The following SLC52A3 variants were observed in gnomAD, a reference collection of about 807,000 sequenced individuals.
SLC52A3 encodes the protein solute carrier family 52 member 3, also known as solute carrier family 52, riboflavin transporter, member 3.
Under a neutral mutation model 29.5 loss-of-function variants are expected in SLC52A3, and 20 were observed. That is an observed-to-expected ratio of 0.68 (90% CI 0.48 to 0.99). The LOEUF (loss-of-function observed/expected upper bound fraction) is 0.99. Ranked by LOEUF, SLC52A3 falls within the 50% of genes least tolerant of loss-of-function variation. The pLI is 0.00. For missense variants in SLC52A3, 548 were observed against 612.9 expected, an observed-to-expected ratio of 0.89 and a Z score of 1.12; for synonymous variants, 301 against 271.0, an observed-to-expected ratio of 1.11 and a Z score of -1.09.
At chr20:761,959 C>T (rs1986505408) in intron 3 of SLC52A3, 135 bp from the exon 4 acceptor site, 1 of 1,362,218 alleles carries the variant, frequency 7.3e-7, no homozygotes, top group Non-Finnish European at 1.0e-6. Context: ...GGTTGCCTGG[C>T]TCAAGTGGGT....
At position 760,707 on chromosome 20, in the gene SLC52A3, G is replaced by A; in HGVS notation, c.*319C>T. 2.5e-6 allele frequency: 1 copy of A among 400,320 alleles called. No individual in the cohort carries two copies. 24.8% of individuals were successfully genotyped at this position (400,320 alleles called of 1,614,324 possible). A position where few individuals can be genotyped will look rare whatever the true frequency, so the allele number is the denominator to read the frequency against. On this transcript the variant is annotated 3_prime_UTR_variant, in exon 5 of 5. Coordinates refer to ENST00000645534, the MANE Select transcript of SLC52A3 (RefSeq NM_033409.4). The surrounding 1 kb of genome is among the most constrained non-coding windows in gnomAD (Gnocchi z 4.9). The stretch of plus-strand genomic sequence containing the variant: ...TTCCCAAGGTCACACAGCCTGAAGG[G>A]ACAGCCGGCTGTCCCAGCTGTTTCC...
chr20:761,010 G>T lies in SLC52A3; in HGVS notation c.*16C>A, dbSNP rs773797132. ...AGTTCCGTCCGTGAGCGATGGGGGC[G>T]GGGTCGGCGGCCTGCCTAGGCTGGA... On this transcript the variant is annotated 3_prime_UTR_variant, in exon 5 of 5. Transcript: ENST00000645534. 1 of 1,237,666 alleles carries T rather than the reference G, an allele frequency of 8.1e-7. No homozygotes were observed. The highest frequency in any genetic ancestry group is 1.6e-5 in the South Asian group (1 of 61,580). The allele number at this position is 1,237,666 out of a possible 1,614,324, so 76.7% of individuals were successfully genotyped here. A position where few individuals can be genotyped will look rare whatever the true frequency, so the allele number is the denominator to read the frequency against.
upstream of SLC52A3, among the ~76,000 whole-genome samples, chr20:778,040 A>G (rs1319442791): frequency 6.8e-6 from 1 of 147,938 alleles, no homozygotes; most frequent in Non-Finnish European, 1.5e-5. Flanking sequence ...TTAAGATACA[A>G]TTTCACTTTT....
chr20:764,711 G>A (rs1175596125), intron 2 of SLC52A3, among the ~76,000 whole-genome samples: 2 of 152,326 alleles, frequency 1.3e-5, no homozygotes, highest in East Asian at 1.9e-4. Flanking sequence ...GCTCTGAAAA[G>A]TTGCCATTTT....
At chr20:779,458 C>T (rs1987153739), upstream of SLC52A3, among the ~76,000 whole-genome samples, 1 of 152,102 alleles carries the variant, frequency 6.6e-6, no homozygotes, top group African/African-American at 2.4e-5. Flanking sequence ...CCTGTCTCTA[C>T]TAAAAATACA....
rs1415600306 is a variant in SLC52A3, at chr20:761,054, TCCGCGGACGAGAAGAG to T, written c.1366_1381del (p.Leu456ThrfsTer44). The T allele has an allele frequency of 5.6e-6, 9 of 1,609,146 alleles. No homozygotes were observed. Among genetic ancestry groups the T allele is most frequent in the Non-Finnish European group, 7.6e-6 (9 of 1,178,446 alleles). On this transcript the variant is annotated frameshift_variant, in exon 5 of 5. Coordinates refer to ENST00000645534, the MANE Select transcript of SLC52A3 (RefSeq NM_033409.4). LOFTEE classifies it high-confidence loss of function. ...GGCTGGACAGTGCAGATTGCAGAAG[TCCGCGGACGAGAAGAG>T]CCGCAGCACGTTGACCAGAGGGAAC...
At position 760,982 on chromosome 20, in the gene SLC52A3, C is replaced by A. The variant is rs1263602643; in HGVS notation, c.*44G>T. 1.3e-6 allele frequency: 2 copies of A among 1,556,230 alleles called. No homozygotes were observed. Among genetic ancestry groups the A allele is most frequent in the Non-Finnish European group, 1.7e-6 (2 of 1,149,074 alleles). ...GCTCTGTGACCTGGCCTCTCTGGAC[C>A]CCAGTTCCGTCCGTGAGCGATGGGG... is the stretch of plus-strand genomic sequence containing the variant. On this transcript the variant is annotated 3_prime_UTR_variant, in exon 5 of 5. Coordinates refer to ENST00000645534, the MANE Select transcript of SLC52A3 (RefSeq NM_033409.4). The surrounding 1 kb of genome is among the most constrained non-coding windows in gnomAD (Gnocchi z 4.9).
intron 1 of SLC52A3, chr20:766,088 C>G (rs1286876452): frequency 1.6e-5 from 6 of 377,548 alleles, no homozygotes; most frequent in Admixed American, 1.2e-4. Context: ...AGGTGCATGC[C>G]ACCATGCCAG....
Position 761,006 on chromosome 20 carries a change from G to A in SLC52A3, c.*20C>T, listed in dbSNP as rs1986441259. ...CCCCAGTTCCGTCCGTGAGCGATGG[G>A]GGCGGGGTCGGCGGCCTGCCTAGGC... On this transcript the variant is annotated 3_prime_UTR_variant, in exon 5 of 5. Coordinates refer to ENST00000645534, the MANE Select transcript of SLC52A3 (RefSeq NM_033409.4). The A allele has an allele frequency of 3.2e-6, 5 of 1,583,130 alleles. No homozygotes were observed. The South Asian group carries it at 5.8e-5, about 18-fold the overall frequency.
chr20:773,083 G>T (rs1230708007), upstream of SLC52A3, among the ~76,000 whole-genome samples: 2 of 152,210 alleles, frequency 1.3e-5, no homozygotes, highest in African/African-American at 2.4e-5. Context: ...AGAGCAAAAA[G>T]CTCCGTGAGT....
upstream of SLC52A3, among the ~76,000 whole-genome samples, chr20:776,796 T>G (rs559712925): frequency 6.7e-6 from 1 of 148,944 alleles, no homozygotes; most frequent in East Asian, 2.0e-4. Flanking sequence ...TGCTGATTGG[T>G]TGGGGTGGAG....
At chr20:772,340 T>C (rs1986866480), upstream of SLC52A3, among the ~76,000 whole-genome samples, 1 of 152,216 alleles carries the variant, frequency 6.6e-6, no homozygotes, top group Non-Finnish European at 1.5e-5. Flanking sequence ...AGTGGGGGTG[T>C]GTCCCCACGT....
rs1012383434 is a variant in SLC52A3, at chr20:760,520, G to T, written c.*506C>A. ...CTAGGTTGTGCAGACTGCCACTCTT[G>T]TTACTACGATGGACTGTCAGATCAG... On this transcript the variant is annotated 3_prime_UTR_variant, in exon 5 of 5. Transcript: ENST00000645534. The surrounding 1 kb of genome is among the most constrained non-coding windows in gnomAD (Gnocchi z 4.9). 3.1e-5 allele frequency: 5 copies of T among 163,220 alleles called. No homozygotes were observed. In the South Asian group the frequency reaches 6.8e-4, roughly 22 times the overall value. 10.1% of individuals were successfully genotyped at this position (163,220 alleles called of 1,614,324 possible). A position where few individuals can be genotyped will look rare whatever the true frequency, so the allele number is the denominator to read the frequency against.
In SLC52A3 at chr20:763,970, C is replaced by T. The variant is rs565998859; in HGVS notation, c.601G>A (p.Gly201Arg). Residue 201 changes from glycine (G) to arginine (R), a missense_variant, in exon 3 of 5, where the codon GGA becomes AGA. By Grantham distance (125) the Gly-to-Arg change is moderately radical. Around this residue, in one of 2 missense-constraint regions of SLC52A3, gnomAD observed 375 missense variants for 471.1 expected, o/e 0.80. Coordinates refer to ENST00000645534, the MANE Select transcript of SLC52A3 (RefSeq NM_033409.4). ...VPRALVSALP[G>R]MEAPLSHLES... The stretch of plus-strand genomic sequence containing the variant: ...AGGTGGGACAAGGGTGCTTCCATTC[C>T]GGGGAGGGCGGACACCAAAGCTCTG... The T allele has an allele frequency of 2.9e-5, 46 of 1,598,836 alleles. No homozygotes were observed. Among genetic ancestry groups the T allele is most frequent in the Middle Eastern group, 1.7e-4 (1 of 5,998 alleles).
chr20:762,556 C>T (rs1161188681), intron 3 of SLC52A3, among the ~76,000 whole-genome samples: 1 of 152,238 alleles, frequency 6.6e-6, no homozygotes, highest in Non-Finnish European at 1.5e-5. Context: ...AGACAGAGGT[C>T]TGCCTATACC....
Position 775,947 on chromosome 20 carries a change from CCACTTACCTGCT to C in SLC52A3, c.-242_-238+7del, listed in dbSNP as rs1987006934. 6.5e-6 allele frequency: 1 copy of C among 152,744 alleles called. No individual in the cohort carries two copies. Among genetic ancestry groups the C allele is most frequent in the Non-Finnish European group, 1.5e-5 (1 of 68,490 alleles). The allele number at this position is 152,744 out of a possible 1,614,324, so 9.5% of individuals were successfully genotyped here. A position where few individuals can be genotyped will look rare whatever the true frequency, so the allele number is the denominator to read the frequency against. On this transcript the variant is annotated splice_donor_variant and splice_donor_5th_base_variant and 5_prime_UTR_variant and intron_variant, in exon 1 of 6. Coordinates refer to the SLC52A3 transcript ENST00000217254. LOFTEE classifies it low-confidence loss of function (5UTR_SPLICE). The stretch of plus-strand genomic sequence containing the variant: ...ACAGGCCTGAGCCGCCCCGCTTTGC[CCACTTACCTGCT>C]GGTCCAGTTCCCCAGCCGCTCTGCA...
upstream of SLC52A3, among the ~76,000 whole-genome samples, chr20:778,619 T>C (rs1987132142): frequency 6.6e-6 from 1 of 152,126 alleles, no homozygotes; most frequent in Non-Finnish European, 1.5e-5. Flanking sequence ...ACCAAATACT[T>C]TGGATCTGTT....
chr20:763,370 G>T, intron 3 of SLC52A3, 128 bp downstream of exon 3: 4 of 1,252,702 alleles, frequency 3.2e-6, no homozygotes, highest in African/African-American at 1.5e-5. Context: ...GCTGGGATTT[G>T]GACCAGGGTG....
At chr20:767,170 GA>G (rs1397718045) in intron 1 of SLC52A3, among the ~76,000 whole-genome samples, 1 of 152,150 alleles carries the variant, frequency 6.6e-6, no homozygotes, top group Non-Finnish European at 1.5e-5. Flanking sequence ...GACTGATAAG[GA>G]AAGGTCTCCA....
Sources: gnomAD v4.1 joint callset for allele counts (sites outside exome capture counted in the v4.1 genomes callset) on GRCh38, gnomAD v4.1.1 for gene constraint, gnomAD v4.1.1 regional missense constraint, Gnocchi (gnomAD v3.1) non-coding constraint, MANE v1.5 for transcripts, NCBI Gene and HGNC (gene_info 2026-07-23, HGNC 2026-07-21) for gene names.